The following FOCAD variants were observed in gnomAD, a reference collection of about 807,000 sequenced individuals.
The protein encoded by FOCAD is KIAA1797.
A neutral mutation model predicts 225.6 loss-of-function variants in FOCAD; 198 were observed. The ratio of observed to expected loss-of-function variants is 0.88; its 90% confidence interval spans 0.78 to 0.99. The LOEUF is 0.99. FOCAD is among the 50% of genes least tolerant of loss of function. FOCAD has a pLI of 0.00. For missense variants in FOCAD, 2,713 were observed against 2,123.6 expected (o/e 1.28, Z -5.46); for synonymous variants, 897 against 755.0 (o/e 1.19, Z -3.08).
chr9:20,747,816 T>G (rs917258932), intron 5 of FOCAD, among the ~76,000 whole-genome samples: 1 of 117,542 alleles, frequency 8.5e-6, no homozygotes. Context: ...CATTTGCATT[T>G]TTAGTGTTTT....
intron 21 of FOCAD, among the ~76,000 whole-genome samples, chr9:20,899,499 C>T (rs1285080100): frequency 1.3e-5 from 2 of 151,894 alleles, no homozygotes; most frequent in Non-Finnish European, 2.9e-5. Context: ...TGCTCTGTGA[C>T]CTGATTTTCT....
At chr9:20,861,719 A>G (rs961689137) in intron 15 of FOCAD, among the ~76,000 whole-genome samples, 19 of 152,264 alleles carry the variant, frequency 1.2e-4, no homozygotes, top group Admixed American at 1.2e-3. Context: ...GTATGTGTTA[A>G]TTACAGCTTA....
chr9:20,713,374 T>C (rs796934067), intron 1 of FOCAD, among the ~76,000 whole-genome samples: 13 of 152,358 alleles, frequency 8.5e-5, no homozygotes, highest in African/African-American at 3.1e-4. Context: ...TCCGCCTAGA[T>C]ATCTGTTTGG....
intron 42 of FOCAD, among the ~76,000 whole-genome samples, chr9:20,991,046 C>T (rs139388800): frequency 5.9e-5 from 9 of 151,852 alleles, no homozygotes; most frequent in East Asian, 5.8e-4. Context: ...AGGGGTGGGG[C>T]GGGAGAAGGA....
chr9:20,726,505 A>G (rs796346433), intron 4 of FOCAD: 13 of 152,332 alleles, frequency 8.5e-5, no homozygotes, highest in African/African-American at 3.1e-4. Context: ...CAGACAGGGA[A>G]GGGACCTGCA....
chr9:20,699,301 G>T (rs929918680), intron 1 of FOCAD, among the ~76,000 whole-genome samples: 1 of 152,058 alleles, frequency 6.6e-6, no homozygotes, highest in Non-Finnish European at 1.5e-5. Flanking sequence ...TTGAAGATTG[G>T]CTTTATTGTA....
chr9:20,708,061 A>G (rs544270491), intron 1 of FOCAD, among the ~76,000 whole-genome samples: 3 of 152,142 alleles, frequency 2.0e-5, no homozygotes, highest in South Asian at 4.1e-4. Flanking sequence ...TATAGGCAGA[A>G]TTTTCCCCCT....
chr9:20,707,107 A>T (rs1265390139), intron 1 of FOCAD, among the ~76,000 whole-genome samples: 2 of 152,230 alleles, frequency 1.3e-5, no homozygotes, highest in African/African-American at 4.8e-5. Context: ...GTTAATACAA[A>T]AGAAGAGAAC....
At chr9:20,893,924 A>G (rs1457003537) in intron 21 of FOCAD, among the ~76,000 whole-genome samples, 1 of 152,160 alleles carries the variant, frequency 6.6e-6, no homozygotes, top group Non-Finnish European at 1.5e-5. Flanking sequence ...GGTGTTAAAC[A>G]TTCTATGGGT....
At chr9:20,786,357 G>C (rs780142401) in intron 10 of FOCAD, among the ~76,000 whole-genome samples, 1 of 152,146 alleles carries the variant, frequency 6.6e-6, no homozygotes, top group Non-Finnish European at 1.5e-5. Context: ...TCTTCTGAAA[G>C]ACATGGGACT....
At position 20,915,215 on chromosome 9, in the gene FOCAD, A is replaced by C. The variant is rs62560527; in HGVS notation, c.2808-1678A>C. ...AGCTAGAGAGGTGAATTTAGGAAACATCAGCATATTGATGGCATTTAAAAT... is the reference window on the plus strand; with the variant it reads ...AGCTAGAGAGGTGAATTTAGGAAACCTCAGCATATTGATGGCATTTAAAAT... On this transcript the variant is annotated intron_variant, in intron 23 of 43. Coordinates refer to ENST00000338382, the MANE Select transcript of FOCAD (RefSeq NM_001375567.1). Among the ~76,000 whole-genome samples the C allele has an allele frequency of 2.4e-3, 359 of 152,280 alleles. 3 individuals carry two copies. Among genetic ancestry groups the C allele is most frequent in the Non-Finnish European group, 2.8e-3 (190 of 68,016 alleles).
chr9:20,918,013 T>G (rs1475209494), intron 24 of FOCAD, among the ~76,000 whole-genome samples: 1 of 152,222 alleles, frequency 6.6e-6, no homozygotes, highest in Admixed American at 6.5e-5. Flanking sequence ...TACAGAGAGC[T>G]TAGATGGAGA....
intron 1 of FOCAD, among the ~76,000 whole-genome samples, chr9:20,701,693 G>A (rs1479685125): frequency 1.3e-5 from 2 of 152,212 alleles, no homozygotes; most frequent in Non-Finnish European, 2.9e-5. Flanking sequence ...TGTGGGAGAT[G>A]TATTGCTGGT....
chr9:20,701,929 T>A (rs1303909914), intron 1 of FOCAD, among the ~76,000 whole-genome samples: 1 of 152,180 alleles, frequency 6.6e-6, no homozygotes, highest in Non-Finnish European at 1.5e-5. Flanking sequence ...ATTTAAAGAT[T>A]TATTTGATTT....
At chr9:20,993,209 G>A in intron 42 of FOCAD, 44 bp from the exon 43 acceptor site, 1 of 1,490,364 alleles carries the variant, frequency 6.7e-7, no homozygotes, top group Non-Finnish European at 9.4e-7. Context: ...TTTTGCTGAT[G>A]GTAGGATTCT....
intron 35 of FOCAD, among the ~76,000 whole-genome samples, chr9:20,972,828 G>A (rs920578055): frequency 6.6e-6 from 1 of 151,866 alleles, no homozygotes; most frequent in African/African-American, 2.4e-5. Context: ...TTTTACCTCC[G>A]CTTCTCCTTG....
chr9:20,922,849 A>G (rs7040431), intron 24 of FOCAD, among the ~76,000 whole-genome samples: 4,276 of 152,340 alleles, frequency 0.028, 72 homozygotes, highest in Middle Eastern at 0.044. Context: ...TTGGTGTCCC[A>G]TAGGGGACTT....
At chr9:20,797,700 C>T (rs1169713177) in intron 11 of FOCAD, among the ~76,000 whole-genome samples, 5 of 151,934 alleles carry the variant, frequency 3.3e-5, no homozygotes, top group African/African-American at 9.7e-5. Flanking sequence ...TGATTTTGTA[C>T]CCTGAGACTT....
intron 4 of FOCAD, among the ~76,000 whole-genome samples, chr9:20,720,741 A>C (rs1008938498): frequency 6.6e-6 from 1 of 152,216 alleles, no homozygotes; most frequent in Non-Finnish European, 1.5e-5. Context: ...GCGGTACTTA[A>C]GTTTTGGGGC....
Sources: allele counts gnomAD v4.1 joint callset (sites outside exome capture counted in the v4.1 genomes callset), GRCh38; gene constraint gnomAD v4.1.1; transcripts MANE v1.5; gene names NCBI Gene and HGNC (gene_info 2026-07-23, HGNC 2026-07-21).